Variants in GLYATL3 observed in about 807,000 individuals in gnomAD.
GLYATL3 encodes glycine-N-acyltransferase like 3.
A neutral mutation model predicts 28.5 loss-of-function variants in GLYATL3; 31 were observed. The observed-to-expected ratio is 1.09, with a 90% confidence interval of 0.82 to 1.47. The LOEUF (loss-of-function observed/expected upper bound fraction) is 1.47. GLYATL3 is among the 40% of genes most tolerant of loss of function. The pLI, the probability that GLYATL3 is intolerant of heterozygous loss-of-function variation, is 0.00. For synonymous variants in GLYATL3, 141 were observed against 140.2 expected, an observed-to-expected ratio of 1.01 and a Z score of -0.04; for missense variants, 369 against 351.5, an observed-to-expected ratio of 1.05 and a Z score of -0.40.
chr6:49,521,408 A>G (rs1363543333), intron 4 of GLYATL3, among the ~76,000 whole-genome samples: 4 of 152,190 alleles, frequency 2.6e-5, no homozygotes, highest in African/African-American at 9.7e-5. Flanking sequence ...AGTTTCTATG[A>G]AGATCGTGAT....
chr6:49,518,339 T>A (rs1561979204), intron 4 of GLYATL3, among the ~76,000 whole-genome samples: 1 of 152,150 alleles, frequency 6.6e-6, no homozygotes, highest in Non-Finnish European at 1.5e-5. Flanking sequence ...GAGAAGAAGA[T>A]TAAGGGTTTC....
intron 1 of GLYATL3, among the ~76,000 whole-genome samples, chr6:49,508,325 AC>A (rs1432868183): frequency 6.6e-6 from 1 of 152,138 alleles, no homozygotes; most frequent in Non-Finnish European, 1.5e-5. Flanking sequence ...AACAACAACA[AC>A]AAAAACCAGA....
intron 1 of GLYATL3, among the ~76,000 whole-genome samples, chr6:49,507,615 G>C (rs942093563): frequency 6.6e-6 from 1 of 152,172 alleles, no homozygotes; most frequent in African/African-American, 2.4e-5. Context: ...CTGAAGACCA[G>C]TCGTCATGAA....
At chr6:49,513,884 C>G (rs1243923172) in intron 2 of GLYATL3, among the ~76,000 whole-genome samples, 1 of 152,118 alleles carries the variant, frequency 6.6e-6, no homozygotes, top group Admixed American at 6.5e-5. Context: ...GCAGTAGGTT[C>G]ATTTGAGCCC....
chr6:49,509,637 T>C (rs1037005577), intron 1 of GLYATL3, among the ~76,000 whole-genome samples: 23 of 152,224 alleles, frequency 1.5e-4, no homozygotes, highest in African/African-American at 5.5e-4. Context: ...CTGTTCAACC[T>C]TAGCTGGAAA....
At chr6:49,517,653 T>C in intron 4 of GLYATL3, 97 bp downstream of exon 4, 5 of 869,664 alleles carry the variant, frequency 5.7e-6, no homozygotes, top group South Asian at 2.2e-5. Flanking sequence ...TGAAAATATA[T>C]AGATTATCTA....
At chr6:49,508,820 T>C (rs1347368483) in intron 1 of GLYATL3, among the ~76,000 whole-genome samples, 1 of 152,044 alleles carries the variant, frequency 6.6e-6, no homozygotes, top group Non-Finnish European at 1.5e-5. Context: ...TCCATAGCAA[T>C]AGTTTCAGGG....
chr6:49,507,650 G>A (rs189636418), intron 1 of GLYATL3, among the ~76,000 whole-genome samples: 92 of 152,212 alleles, frequency 6.0e-4, no homozygotes, highest in African/African-American at 2.0e-3. Context: ...GCACTGAGCC[G>A]AGGAACAAAG....
rs555087939 is a variant in GLYATL3, at chr6:49,523,883, C to T, written c.440+2112C>T. 2.0e-5 allele frequency among the ~76,000 whole-genome samples: 3 copies of T among 152,186 alleles called. No individual in the cohort carries two copies. In the East Asian group the frequency reaches 5.8e-4, roughly 29 times the overall value. On this transcript the variant is annotated intron_variant, in intron 5 of 5. Transcript: ENST00000371197. ...AAGTTATTTGTTCTTTGAAGTATCC[C>T]ATAATCTGTTTACTATTGTATGCCT...
rs1769129579 is a variant in GLYATL3, at chr6:49,512,021, C to T, written c.31C>T (p.Leu11=). Residue 11 remains leucine, a synonymous_variant, in exon 2 of 6, where the codon CTG becomes TTG. Transcript: ENST00000371197. MLVLNCSTKL[L]ILEKMLKSCF... is the part of the protein sequence containing the mutation. ...GGTGCTAAACTGTTCTACCAAATTA[C>T]TGATACTGGAGAAAATGTTGAAGAG... 1 of 1,505,274 alleles carries T rather than the reference C, an allele frequency of 6.6e-7. No homozygotes were observed. Among genetic ancestry groups the T allele is most frequent in the Non-Finnish European group, 9.0e-7 (1 of 1,107,578 alleles). The allele number at this position is 1,505,274 out of a possible 1,614,324, so 93.2% of individuals were successfully genotyped here.
At chr6:49,503,358 T>A (rs1167849959) in intron 1 of GLYATL3, among the ~76,000 whole-genome samples, 1 of 152,242 alleles carries the variant, frequency 6.6e-6, no homozygotes, top group Non-Finnish European at 1.5e-5. Context: ...ACCAGTCATA[T>A]CTATGGTTAA....
rs1292480344 is a variant in GLYATL3, at chr6:49,521,668, G to C, written c.337G>C (p.Val113Leu). The change falls in exon 5 of 6, where the codon GTT becomes CTT. Residue 113 changes from valine (V) to leucine (L), a missense_variant. Physicochemically the swap from Val to Leu is conservative, Grantham distance 32 (BLOSUM62 1). Coordinates refer to ENST00000371197, the MANE Select transcript of GLYATL3 (RefSeq NM_001010904.2). Reference sequence around the variant, plus strand: ...AGGGCTGCAGAGTGAGTTATATGATGTTTCCAAAGCGGTTGCCAATTCAAA... The same window carrying C: ...AGGGCTGCAGAGTGAGTTATATGATCTTTCCAAAGCGGTTGCCAATTCAAA... Reference protein sequence around the residue: ...IQGLQSELYDVSKAVANSKQL... With the variant: ...IQGLQSELYDLSKAVANSKQL... 2.7e-5 allele frequency: 42 copies of C among 1,550,888 alleles called. 1 individual carries two copies. The South Asian group carries it at 4.9e-4, about 18-fold the overall frequency.
chr6:49,515,892 T>C (rs952398416), intron 3 of GLYATL3, 132 bp downstream of exon 3: 1 of 628,904 alleles, frequency 1.6e-6, no homozygotes, highest in Non-Finnish European at 2.9e-6. Context: ...TTCTTTTCTT[T>C]CTTTCTTTCC....
chr6:49,513,895 A>G (rs913397265), intron 2 of GLYATL3, among the ~76,000 whole-genome samples: 2 of 152,218 alleles, frequency 1.3e-5, no homozygotes, highest in African/African-American at 4.8e-5. Flanking sequence ...ATTTGAGCCC[A>G]GGAGTTCAAG....
chr6:49,509,654 A>T (rs571154914), intron 1 of GLYATL3, among the ~76,000 whole-genome samples: 8 of 152,360 alleles, frequency 5.3e-5, no homozygotes, highest in African/African-American at 1.9e-4. Context: ...GAAACATGTG[A>T]GTTAGGAAAC....
At chr6:49,519,132 T>G (rs1334605340) in intron 4 of GLYATL3, among the ~76,000 whole-genome samples, 1 of 152,150 alleles carries the variant, frequency 6.6e-6, no homozygotes, top group African/African-American at 2.4e-5. Flanking sequence ...ATGAATAAAT[T>G]TCCTCATTGG....
intron 4 of GLYATL3, among the ~76,000 whole-genome samples, chr6:49,519,909 C>A (rs916401015): frequency 1.3e-5 from 2 of 152,122 alleles, no homozygotes; most frequent in African/African-American, 4.8e-5. Flanking sequence ...GTTGCACTGA[C>A]GTGAAAAAGA....
chr6:49,515,756 G>C lies in GLYATL3; in HGVS notation c.182G>C (p.Arg61Thr). Residue 61 changes from arginine to threonine, a missense_variant, in exon 3 of 6, where the codon AGA (arginine) becomes ACA (threonine). Coordinates refer to ENST00000371197, the MANE Select transcript of GLYATL3 (RefSeq NM_001010904.2). ...AAAGCTGTTATCACCCGACGACAAA[G>C]AGAGGTACAGTTTTGAAAGGTAAAA... ...DFKAVITRRQ[R>T]EAETDNLDHY... is the part of the protein sequence containing the mutation. The C allele has an allele frequency of 1.3e-6, 2 of 1,526,430 alleles. No homozygotes were observed. Among genetic ancestry groups the C allele is most frequent in the East Asian group, 2.5e-5 (1 of 40,806 alleles). The allele number at this position is 1,526,430 out of a possible 1,614,324, so 94.6% of individuals were successfully genotyped here. A position where few individuals can be genotyped will look rare whatever the true frequency, so the allele number is the denominator to read the frequency against.
At chr6:49,508,885 G>T (rs1013692230) in intron 1 of GLYATL3, among the ~76,000 whole-genome samples, 2 of 152,152 alleles carry the variant, frequency 1.3e-5, no homozygotes, top group Non-Finnish European at 2.9e-5. Context: ...GCTGAGACAG[G>T]AGAATTGCTT....
Sources: allele counts gnomAD v4.1 joint callset (sites outside exome capture counted in the v4.1 genomes callset), GRCh38; gene constraint gnomAD v4.1.1; transcripts MANE v1.5; gene names NCBI Gene and HGNC (gene_info 2026-07-23, HGNC 2026-07-21).